The following ZDHHC20 variants were observed in gnomAD, a reference collection of about 807,000 sequenced individuals.
The protein encoded by ZDHHC20 is palmitoyltransferase ZDHHC20.
A neutral mutation model predicts 57.8 loss-of-function variants in ZDHHC20; 43 were observed. The observed-to-expected ratio is 0.74, with a 90% CI of 0.58 to 0.96. The LOEUF (loss-of-function observed/expected upper bound fraction) is 0.96, where lower values mean the gene tolerates loss of function less well. ZDHHC20 is among the 40% of genes least tolerant of loss of function. The probability of loss-of-function intolerance (pLI) is 0.00; values close to 1 mark genes in which losing one functional copy is unlikely to be tolerated. For synonymous variants in ZDHHC20, 157 were observed against 153.0 expected (o/e 1.03, Z -0.19); for missense variants, 391 against 441.1 (o/e 0.89, Z 1.02).
At chr13:21,450,132 G>A (rs1884305942) in intron 1 of ZDHHC20, among the ~76,000 whole-genome samples, 1 of 152,028 alleles carries the variant, frequency 6.6e-6, no homozygotes, top group African/African-American at 2.4e-5. Flanking sequence ...CATTTACTGA[G>A]CTATTAGGAG....
rs754723974 is a variant in ZDHHC20, at chr13:21,375,986, G to A, written c.*710C>T. 2.0e-5 allele frequency: 3 copies of A among 152,106 alleles called. No homozygotes were observed. The highest frequency in any genetic ancestry group is 2.9e-5 in the Non-Finnish European group (2 of 68,022). The allele number at this position is 152,106 out of a possible 1,614,324, so 9.4% of individuals were successfully genotyped here. ...CCCAAAATATTTCTTATACTGCCAAGTTCCCTTTAAACCTTGGGCACTTGC... is the reference window on the plus strand; with the variant it reads ...CCCAAAATATTTCTTATACTGCCAAATTCCCTTTAAACCTTGGGCACTTGC... On this transcript the variant is annotated 3_prime_UTR_variant, in exon 13 of 13. Transcript: ENST00000400590.
At chr13:21,378,831 A>G in intron 11 of ZDHHC20, 93 bp from the exon 12 acceptor site, 2 of 643,938 alleles carry the variant, frequency 3.1e-6, no homozygotes, top group Non-Finnish European at 4.7e-6. Context: ...AGCAAAAATG[A>G]CTATCATGTA....
chr13:21,418,552 C>T (rs528570701), intron 3 of ZDHHC20, among the ~76,000 whole-genome samples: 9 of 151,882 alleles, frequency 5.9e-5, no homozygotes, highest in East Asian at 3.9e-4. Flanking sequence ...GTATCACCCT[C>T]ACTTTACAGA....
At chr13:21,378,554 C>A in intron 12 of ZDHHC20, 107 bp downstream of exon 12, 1 of 519,110 alleles carries the variant, frequency 1.9e-6, no homozygotes. Context: ...CCTAATTTTG[C>A]TGATATAATT....
intron 3 of ZDHHC20, among the ~76,000 whole-genome samples, chr13:21,419,709 G>T (rs879558788): frequency 6.6e-6 from 1 of 152,174 alleles, no homozygotes; most frequent in Non-Finnish European, 1.5e-5. Context: ...CAAGAGAGTG[G>T]CCTCTTATGA....
intron 7 of ZDHHC20, among the ~76,000 whole-genome samples, chr13:21,392,134 T>C (rs1172747065): frequency 6.6e-6 from 1 of 151,484 alleles, no homozygotes; most frequent in South Asian, 2.1e-4. Context: ...TCCCAGCTAT[T>C]GGGGAGACTG....
chr13:21,436,510 T>A (rs1164274110), intron 1 of ZDHHC20, among the ~76,000 whole-genome samples: 1 of 152,234 alleles, frequency 6.6e-6, no homozygotes, highest in South Asian at 2.1e-4. Flanking sequence ...TAATATCTGC[T>A]CTGGTGCTCT....
At chr13:21,381,255 C>T (rs1472129198) in intron 11 of ZDHHC20, among the ~76,000 whole-genome samples, 179 bp downstream of exon 11, 1 of 152,118 alleles carries the variant, frequency 6.6e-6, no homozygotes, top group Non-Finnish European at 1.5e-5. Context: ...ATCCACCCGC[C>T]TCGGCATCCC....
intron 1 of ZDHHC20, among the ~76,000 whole-genome samples, chr13:21,447,013 G>A (rs1216767655): frequency 1.3e-5 from 2 of 151,990 alleles, no homozygotes; most frequent in Non-Finnish European, 2.9e-5. Flanking sequence ...GAGAATAGGA[G>A]TAACAAACTG....
At chr13:21,416,203 C>CAAAAA (rs55796229) in intron 3 of ZDHHC20, among the ~76,000 whole-genome samples, 13 of 71,718 alleles carry the variant, frequency 1.8e-4, no homozygotes, top group African/African-American at 4.1e-4. Context: ...GACTCCATCT[C>CAAAAA]AAAAAAAAAA....
intron 3 of ZDHHC20, among the ~76,000 whole-genome samples, chr13:21,418,769 G>C (rs1174586134): frequency 6.6e-6 from 1 of 152,130 alleles, no homozygotes; most frequent in Non-Finnish European, 1.5e-5. Context: ...AACCTTCATG[G>C]GCTCAGTGAT....
intron 3 of ZDHHC20, among the ~76,000 whole-genome samples, chr13:21,420,421 A>C (rs1371977961): frequency 1.3e-5 from 2 of 152,242 alleles, no homozygotes; most frequent in African/African-American, 4.8e-5. Flanking sequence ...TGGAGAGATT[A>C]AATTGTTAGA....
intron 11 of ZDHHC20, 45 bp from the exon 12 acceptor site, chr13:21,378,783 AAAG>A (rs1872713653): frequency 8.6e-7 from 1 of 1,162,780 alleles, no homozygotes; most frequent in Non-Finnish European, 1.2e-6. Flanking sequence ...AAAAAAAAAA[AAAG>A]AAGTATTAAG....
chr13:21,381,350 A>G, intron 11 of ZDHHC20, 84 bp downstream of exon 11: 1 of 1,094,148 alleles, frequency 9.1e-7, no homozygotes, highest in African/African-American at 1.6e-5. Flanking sequence ...AAAATGTTAC[A>G]TTATTTTGAT....
In ZDHHC20 at chr13:21,400,373, C is replaced by T. The variant is rs760841518; in HGVS notation, c.594G>A (p.Thr198=). ...TTTCAAGATAGAAAAAAAGACTTAC[C>T]GTCCAAAATTTTATAAAGTACTCTA... ...TVLEYFIKFW[T]NELTDTRAKF... is the part of the protein sequence containing the mutation. The change falls in exon 7 of 13, where the codon ACG becomes ACA. Residue 198 remains threonine (T), a splice_region_variant and synonymous_variant. Transcript: ENST00000400590. 14 of 1,576,066 alleles carry T rather than the reference C, an allele frequency of 8.9e-6. No individual in the cohort carries two copies. Among genetic ancestry groups the T allele is most frequent in the African/African-American group, 8.3e-5 (6 of 72,406 alleles).
At chr13:21,377,084 G>C (rs1872227642) in intron 12 of ZDHHC20, 1 of 160,014 alleles carries the variant, frequency 6.2e-6, no homozygotes, top group South Asian at 1.7e-4. Flanking sequence ...CTCAGACTGA[G>C]GGCTTTTCTG....
intron 1 of ZDHHC20, among the ~76,000 whole-genome samples, chr13:21,452,805 C>T (rs1476996790): frequency 6.6e-6 from 1 of 151,442 alleles, no homozygotes. Context: ...AATAAAGTAA[C>T]AAAAAGAATT....
Position 21,378,649 on chromosome 13 carries a change from A to ATAC in ZDHHC20, c.*40+9_*40+11dup. The ATAC allele has an allele frequency of 7.4e-7, 1 of 1,343,200 alleles. No homozygotes were observed. Among genetic ancestry groups the ATAC allele is most frequent in the South Asian group, 2.0e-5 (1 of 49,760 alleles). The allele number at this position is 1,343,200 out of a possible 1,614,324, so 83.2% of individuals were successfully genotyped here. A position where few individuals can be genotyped will look rare whatever the true frequency, so the allele number is the denominator to read the frequency against. On this transcript the variant is annotated intron_variant, in intron 12 of 12. Transcript: ENST00000400590. The stretch of plus-strand genomic sequence containing the variant: ...CTGCATTTATTCAAGGATTACCTTT[A>ATAC]TACTGTCTTACCTTGCTCTTATTCA...
intron 1 of ZDHHC20, among the ~76,000 whole-genome samples, chr13:21,447,417 C>T (rs894688316): frequency 8.6e-4 from 126 of 145,780 alleles, no homozygotes; most frequent in African/African-American, 3.0e-3. Flanking sequence ...CTCAGCCTGC[C>T]GAGTGCCTGC....
Sources: allele counts gnomAD v4.1 joint callset (sites outside exome capture counted in the v4.1 genomes callset), GRCh38; gene constraint gnomAD v4.1.1; transcripts MANE v1.5; gene names NCBI Gene and HGNC (gene_info 2026-07-23, HGNC 2026-07-21).